ARPC2: variants seen among roughly 807,000 people sequenced by gnomAD.
ARPC2 encodes actin related protein 2/3 complex subunit 2.
In ARPC2, 4 loss-of-function variants were observed where a neutral mutation model predicts 38.6. That is an observed-to-expected ratio of 0.10 (90% CI 0.05 to 0.24). ARPC2 has a LOEUF of 0.24. Ranked by LOEUF, ARPC2 falls within the 10% of genes least tolerant of loss-of-function variation. The pLI is 1.00. For missense variants in ARPC2, 229 were observed against 387.3 expected (o/e 0.59, Z 3.43); for synonymous variants, 125 against 140.8 (o/e 0.89, Z 0.79).
At chr2:218,239,776 A>G (rs1421525186) in intron 7 of ARPC2, among the ~76,000 whole-genome samples, 1 of 151,556 alleles carries the variant, frequency 6.6e-6, no homozygotes, top group Non-Finnish European at 1.5e-5. Flanking sequence ...TATTTTTAGT[A>G]GAGACGGGGT....
chr2:218,249,630 C>T (rs1690132220), intron 9 of ARPC2, 166 bp downstream of exon 9: 3 of 728,548 alleles, frequency 4.1e-6, no homozygotes, highest in Middle Eastern at 4.8e-4. Flanking sequence ...AGCCACTGTC[C>T]CCCATCCCTC....
chr2:218,248,495 C>G (rs551000439), intron 8 of ARPC2, among the ~76,000 whole-genome samples: 53 of 152,180 alleles, frequency 3.5e-4, no homozygotes, highest in Non-Finnish European at 6.0e-4. Context: ...GAGTCTTGCT[C>G]TGTCACTCAG....
rs1690192443 is a variant in ARPC2 at position 218,251,560 on chromosome 2, C to G, written c.878+1639C>G. 2.0e-5 allele frequency among the ~76,000 whole-genome samples: 3 copies of G among 151,628 alleles called. No individual in the cohort carries two copies. In the South Asian group the frequency reaches 6.2e-4, roughly 32 times the overall value. ...GCTCAACCTCCTGGGCTCAAGCAAT[C>G]CTCCCATCTCAGCCCCCCAAGTAGC... On this transcript the variant is annotated intron_variant, in intron 10 of 10. Coordinates refer to ENST00000315717, the MANE Select transcript of ARPC2 (RefSeq NM_152862.3).
intron 6 of ARPC2, 116 bp from the exon 7 acceptor site, chr2:218,239,275 T>C: frequency 1.4e-6 from 1 of 734,904 alleles, no homozygotes; most frequent in Non-Finnish European, 2.3e-6. Flanking sequence ...GGCACACCTT[T>C]ATATTATGAT....
intron 2 of ARPC2, among the ~76,000 whole-genome samples, chr2:218,219,467 G>C (rs755760631): frequency 5.7e-4 from 86 of 151,564 alleles, no homozygotes; most frequent in Non-Finnish European, 1.2e-3. Flanking sequence ...CTCATGTCTC[G>C]GCTTCCCAAG....
intron 2 of ARPC2, among the ~76,000 whole-genome samples, chr2:218,223,580 G>T (rs1463981409): frequency 6.6e-6 from 1 of 152,204 alleles, no homozygotes; most frequent in Non-Finnish European, 1.5e-5. Flanking sequence ...AGGGGAGACT[G>T]CTGTACTGCT....
intron 2 of ARPC2, 80 bp from the exon 3 acceptor site, chr2:218,225,840 C>T: frequency 7.5e-7 from 1 of 1,335,930 alleles, no homozygotes; most frequent in Non-Finnish European, 1.1e-6. Context: ...TTAAGTGAAG[C>T]TCAGGTGCCT....
chr2:218,223,714 A>G (rs1385341099), intron 2 of ARPC2, among the ~76,000 whole-genome samples: 4 of 152,188 alleles, frequency 2.6e-5, no homozygotes, highest in African/African-American at 9.7e-5. Context: ...CATAGCCAAT[A>G]AATTCTGAAT....
chr2:218,241,198 G>A (rs1159900792), intron 7 of ARPC2, among the ~76,000 whole-genome samples: 1 of 152,224 alleles, frequency 6.6e-6, no homozygotes, highest in Non-Finnish European at 1.5e-5. Flanking sequence ...TTGAAAGACA[G>A]CTGTGCTTAA....
intron 10 of ARPC2, chr2:218,252,852 C>T: frequency 2.2e-6 from 1 of 455,576 alleles, no homozygotes. Flanking sequence ...GTGAGAGACC[C>T]AGGAAGGGAT....
At chr2:218,234,927 T>C (rs1689732662) in intron 5 of ARPC2, 1 of 451,674 alleles carries the variant, frequency 2.2e-6, no homozygotes, top group Non-Finnish European at 4.4e-6. Context: ...AACAGCTATG[T>C]TATACTGCTT....
At chr2:218,253,741 G>A in intron 10 of ARPC2, 150 bp from the exon 11 acceptor site, 1 of 944,132 alleles carries the variant, frequency 1.1e-6, no homozygotes, top group South Asian at 2.0e-5. Flanking sequence ...TTTAGCCGAT[G>A]TCCTGTGGTT....
At chr2:218,253,001 T>TC (rs1383780236) in intron 10 of ARPC2, 1 of 456,916 alleles carries the variant, frequency 2.2e-6, no homozygotes, top group Admixed American at 2.3e-5. Context: ...AACAGCTGCA[T>TC]CCACCCTGAA....
intron 1 of ARPC2, 101 bp from the exon 2 acceptor site, chr2:218,217,362 C>T (rs902905349): frequency 1.0e-6 from 1 of 976,246 alleles, no homozygotes; most frequent in Admixed American, 1.9e-5. Flanking sequence ...TAACCTCCTA[C>T]CCCACCCAGC....
chr2:218,218,927 C>T (rs1157467208), intron 2 of ARPC2, among the ~76,000 whole-genome samples: 1 of 152,204 alleles, frequency 6.6e-6, no homozygotes, highest in Non-Finnish European at 1.5e-5. Flanking sequence ...GTCTTAGCCT[C>T]TCTTACCAGT....
intron 7 of ARPC2, among the ~76,000 whole-genome samples, chr2:218,245,208 T>TTAA (rs1690003295): frequency 6.6e-6 from 1 of 152,190 alleles, no homozygotes; most frequent in Non-Finnish European, 1.5e-5. Flanking sequence ...ATCTGACTTA[T>TTAA]TAAGTACTTT....
intron 10 of ARPC2, among the ~76,000 whole-genome samples, chr2:218,252,636 C>T (rs540644049): frequency 3.9e-5 from 6 of 152,318 alleles, no homozygotes; most frequent in African/African-American, 1.4e-4. Flanking sequence ...CCTGACCTGG[C>T]AGCCTGTGAT....
intron 7 of ARPC2, among the ~76,000 whole-genome samples, chr2:218,241,890 G>A (rs1373539381): frequency 6.6e-6 from 1 of 152,136 alleles, no homozygotes; most frequent in East Asian, 1.9e-4. Flanking sequence ...GTAATTTGTT[G>A]GAAATGACAA....
chr2:218,234,580 G>A, intron 5 of ARPC2, 183 bp downstream of exon 5: 1 of 588,938 alleles, frequency 1.7e-6, no homozygotes, highest in South Asian at 2.1e-5. Context: ...TGTCCAATAT[G>A]GAACACAGTA....
Sources: allele counts gnomAD v4.1 joint callset (sites outside exome capture counted in the v4.1 genomes callset), GRCh38; gene constraint gnomAD v4.1.1; transcripts MANE v1.5; gene names NCBI Gene and HGNC (gene_info 2026-07-23, HGNC 2026-07-21).